ERLEC1: variants seen among roughly 807,000 people sequenced by gnomAD.
ERLEC1 encodes ER lectin.
In ERLEC1, 47 loss-of-function variants were observed where a neutral mutation model predicts 68.0. The observed-to-expected ratio is 0.69, with a 90% confidence interval of 0.55 to 0.88. The LOEUF (loss-of-function observed/expected upper bound fraction) is 0.88. ERLEC1 is among the 40% of genes least tolerant of loss of function. The probability of loss-of-function intolerance (pLI) is 0.00; values close to 1 mark genes in which losing one functional copy is unlikely to be tolerated. For missense variants in ERLEC1, 567 were observed against 583.8 expected (o/e 0.97, Z 0.30); for synonymous variants, 225 against 203.2 (o/e 1.11, Z -0.91).
At chr2:53,809,131 C>G in intron 9 of ERLEC1, 83 bp from the exon 10 acceptor site, 1 of 905,994 alleles carries the variant, frequency 1.1e-6, no homozygotes, top group East Asian at 2.7e-5. Flanking sequence ...TTAAAAATAA[C>G]ATGTATTTCC....
At chr2:53,788,589 G>C (rs1442857652) in intron 1 of ERLEC1, 1 of 151,660 alleles carries the variant, frequency 6.6e-6, no homozygotes, top group Non-Finnish European at 1.5e-5. Context: ...CTAGAGGCAG[G>C]GTCTCACTAT....
At chr2:53,807,683 G>C (rs1676366064) in intron 8 of ERLEC1, among the ~76,000 whole-genome samples, 1 of 152,174 alleles carries the variant, frequency 6.6e-6, no homozygotes, top group East Asian at 1.9e-4. Flanking sequence ...GGGACACAGA[G>C]CTTAGCAAGT....
At chr2:53,793,319 A>G (rs1675510522) in intron 1 of ERLEC1, among the ~76,000 whole-genome samples, 5 of 152,204 alleles carry the variant, frequency 3.3e-5, no homozygotes, top group Admixed American at 3.3e-4. Context: ...GTTTGGTTTC[A>G]TAGTGTAGAA....
At position 53,801,552 on chromosome 2, in the gene ERLEC1, T is replaced by G. The variant is rs1174223514; in HGVS notation, c.681T>G (p.Ala227=). The G allele has an allele frequency of 2.5e-6, 4 of 1,614,178 alleles. No individual in the cohort carries two copies. The Admixed American group carries it at 5.0e-5, about 20-fold the overall frequency. ...CTAAGCATGAAATTCTTTCAGTAGC[T>G]GAAGTTACAACTTGTGAATATGAAG... ...PESKHEILSV[A]EVTTCEYEVV... The change falls in exon 7 of 14, where the codon GCT becomes GCG. Residue 227 remains alanine (A), a synonymous_variant. Transcript: ENST00000185150.
At chr2:53,810,251 C>G (rs1011466872) in intron 10 of ERLEC1, among the ~76,000 whole-genome samples, 5 of 152,066 alleles carry the variant, frequency 3.3e-5, no homozygotes, top group African/African-American at 4.8e-5. Flanking sequence ...AGGAGGATCA[C>G]TTGAGGCCAG....
chr2:53,787,333 C>T lies in ERLEC1; in HGVS notation c.123C>T (p.Ile41=). The change falls in exon 1 of 14, where the codon ATC becomes ATT. Residue 41 remains isoleucine (I), a synonymous_variant. Coordinates refer to ENST00000185150, the MANE Select transcript of ERLEC1 (RefSeq NM_015701.5). The part of the protein sequence containing the change: ...GRALPQLSDD[I]PFRVNWPGTE... ...CCCTTCCTCAACTCAGCGATGACAT[C>T]CCTTTCCGAGTCAACTGGCCCGGCA... 1 of 1,611,982 alleles carries T rather than the reference C, an allele frequency of 6.2e-7. No homozygotes were observed. Among genetic ancestry groups the T allele is most frequent in the Non-Finnish European group, 8.5e-7 (1 of 1,179,904 alleles).
chr2:53,789,201 C>G (rs1311963404), intron 1 of ERLEC1, among the ~76,000 whole-genome samples: 1 of 151,930 alleles, frequency 6.6e-6, no homozygotes, highest in East Asian at 1.9e-4. Flanking sequence ...CAAGACAAGC[C>G]TGACCAACGT....
rs777632156 is a variant in ERLEC1, at chr2:53,814,995, C to CTTT, written c.1380+79_1380+81dup. 4.3e-3 allele frequency: 2,006 copies of CTTT among 469,600 alleles called. 3 individuals carry two copies. Among genetic ancestry groups the CTTT allele is most frequent in the East Asian group, 7.2e-3 (127 of 17,554 alleles). The allele number at this position is 469,600 out of a possible 1,614,324, so 29.1% of individuals were successfully genotyped here. On this transcript the variant is annotated intron_variant, in intron 13 of 13. Transcript: ENST00000185150. ...TTGAGCCATGTTTTAATTTTTTTTT[C>CTTT]TTTTTTTTTTTTTTTTTTTTTGTTT...
At chr2:53,815,003 T>TTG (rs1447657649) in intron 13 of ERLEC1, 68 bp downstream of exon 13, 3 of 958,952 alleles carry the variant, frequency 3.1e-6, no homozygotes, top group Non-Finnish European at 4.6e-6. Flanking sequence ...TTCTTTTTTT[T>TTG]TTTTTTTTTT....
rs527606592 is a variant in ERLEC1 at position 53,818,763 on chromosome 2, A to G, written c.*794A>G. The G allele has an allele frequency of 6.6e-6, 1 of 152,298 alleles. No homozygotes were observed. The highest frequency in any genetic ancestry group is 1.5e-5 in the Non-Finnish European group (1 of 68,014). The allele number at this position is 152,298 out of a possible 1,614,324, so 9.4% of individuals were successfully genotyped here. A position where few individuals can be genotyped will look rare whatever the true frequency, so the allele number is the denominator to read the frequency against. ...ACTTCTGAACAGTTTACAGCACAAT[A>G]TTTATTTTAAAGTGAATAAAATGTC... On this transcript the variant is annotated 3_prime_UTR_variant, in exon 14 of 14. Transcript: ENST00000185150.
chr2:53,792,261 A>G (rs1675452388), intron 1 of ERLEC1, among the ~76,000 whole-genome samples: 2 of 149,040 alleles, frequency 1.3e-5, no homozygotes, highest in South Asian at 4.3e-4. Flanking sequence ...GGGGTCAAGC[A>G]GTTCTCCCGC....
At chr2:53,812,628 G>C (rs1460598204) in intron 10 of ERLEC1, among the ~76,000 whole-genome samples, 4 of 152,068 alleles carry the variant, frequency 2.6e-5, no homozygotes, top group Admixed American at 6.6e-5. Context: ...AAAAGTAGAG[G>C]AAGAGTCTAA....
intron 2 of ERLEC1, among the ~76,000 whole-genome samples, chr2:53,795,466 G>A (rs956361415): frequency 4.0e-5 from 6 of 151,708 alleles, no homozygotes; most frequent in Admixed American, 1.3e-4. Context: ...ACACGCACAC[G>A]GCATTCAAAT....
At chr2:53,815,858 T>G (rs1262818907) in intron 13 of ERLEC1, among the ~76,000 whole-genome samples, 3 of 152,198 alleles carry the variant, frequency 2.0e-5, no homozygotes, top group Non-Finnish European at 1.5e-5. Context: ...ACCATAAGCA[T>G]TTATTGTTTC....
chr2:53,793,314 G>T (rs1387301286), intron 1 of ERLEC1, among the ~76,000 whole-genome samples: 1 of 152,146 alleles, frequency 6.6e-6, no homozygotes, highest in Non-Finnish European at 1.5e-5. Flanking sequence ...AATTTGTTTG[G>T]TTTCATAGTG....
chr2:53,799,352 C>T (rs915590433), intron 6 of ERLEC1, among the ~76,000 whole-genome samples: 6 of 152,120 alleles, frequency 3.9e-5, no homozygotes, highest in Admixed American at 1.3e-4. Context: ...ATATCACTTA[C>T]GTGCTTAGCA....
intron 10 of ERLEC1, among the ~76,000 whole-genome samples, chr2:53,810,545 A>G (rs1449800205): frequency 6.6e-6 from 1 of 152,222 alleles, no homozygotes; most frequent in East Asian, 1.9e-4. Context: ...TAATTAATGA[A>G]TATGGACCTA....
intron 12 of ERLEC1, 82 bp downstream of exon 12, chr2:53,814,702 A>C: frequency 9.8e-7 from 1 of 1,023,484 alleles, no homozygotes; most frequent in Middle Eastern, 2.3e-4. Context: ...TAAACAGTAT[A>C]ATTATGAATA....
chr2:53,812,801 T>A, intron 10 of ERLEC1, 148 bp from the exon 11 acceptor site: 1 of 728,290 alleles, frequency 1.4e-6, no homozygotes, highest in Non-Finnish European at 2.2e-6. Context: ...AAATTTCCAC[T>A]CATTGAATTT....
Sources: gnomAD v4.1 joint callset for allele counts (sites outside exome capture counted in the v4.1 genomes callset) on GRCh38, gnomAD v4.1.1 for gene constraint, MANE v1.5 for transcripts, NCBI Gene and HGNC (gene_info 2026-07-23, HGNC 2026-07-21) for gene names.